GLCCI1: variants seen among roughly 807,000 people sequenced by gnomAD.
GLCCI1 encodes glucocorticoid induced 1, also known as glucocorticoid-induced transcript 1 protein.
Under a neutral mutation model 52.2 loss-of-function variants are expected in GLCCI1, and 24 were observed. The ratio of observed to expected loss-of-function variants is 0.46; its 90% confidence interval spans 0.33 to 0.65. The LOEUF (loss-of-function observed/expected upper bound fraction) is 0.65. Ranked by LOEUF, GLCCI1 falls within the 30% of genes least tolerant of loss-of-function variation. GLCCI1 has a pLI of 0.02. For missense variants in GLCCI1, 704 were observed against 701.5 expected, an observed-to-expected ratio of 1.00 and a Z score of -0.04; for synonymous variants, 310 against 276.5, an observed-to-expected ratio of 1.12 and a Z score of -1.20.
At chr7:8,070,069 GAA>G (rs1407578698) in intron 5 of GLCCI1, 1 of 152,210 alleles carries the variant, frequency 6.6e-6, no homozygotes, top group Non-Finnish European at 1.5e-5. Flanking sequence ...TAGTAAAGTA[GAA>G]AGAGTCCACT....
intron 3 of GLCCI1, 29 bp from the exon 4 acceptor site, chr7:8,055,401 CTCT>C: frequency 2.2e-6 from 3 of 1,376,628 alleles, no homozygotes; most frequent in Non-Finnish European, 3.1e-6. Context: ...CACTTTTATT[CTCT>C]TCTTACTTCT....
Position 8,055,534 on chromosome 7 carries a change from A to C in GLCCI1, c.798A>C (p.Thr266=), listed in dbSNP as rs1782367733. ...RQSPLHGNHI[T]ISHTQATGSR... ...CACCTCTTCATGGCAACCATATAAC[A>C]ATCAGTCACACTCAGGTAGGCTAAC... Residue 266 remains threonine, a synonymous_variant, in exon 4 of 8, where the codon ACA becomes ACC. Coordinates refer to ENST00000223145, the MANE Select transcript of GLCCI1 (RefSeq NM_138426.4). 1.3e-6 allele frequency: 2 copies of C among 1,597,976 alleles called. No homozygotes were observed. Among genetic ancestry groups the C allele is most frequent in the Non-Finnish European group, 1.7e-6 (2 of 1,165,424 alleles).
intron 2 of GLCCI1, among the ~76,000 whole-genome samples, chr7:8,020,163 G>T (rs1781456368): frequency 6.6e-6 from 1 of 151,700 alleles, no homozygotes; most frequent in Non-Finnish European, 1.5e-5. Flanking sequence ...TTATTTATTT[G>T]TTTATTTATT....
rs1783171663 is a variant in GLCCI1 at position 8,088,698 on chromosome 7, T to A, written c.*2160T>A. On this transcript the variant is annotated 3_prime_UTR_variant, in exon 8 of 8. Coordinates refer to ENST00000223145, the MANE Select transcript of GLCCI1 (RefSeq NM_138426.4). ...GAAAAATGGACTGAATATGCTTTTT[T>A]GGTGATGAAATCTCATGTACGATAT... The A allele has an allele frequency of 6.6e-6, 1 of 152,642 alleles. No individual in the cohort carries two copies. Among genetic ancestry groups the A allele is most frequent in the Non-Finnish European group, 1.5e-5 (1 of 68,042 alleles). 9.5% of individuals were successfully genotyped at this position (152,642 alleles called of 1,614,324 possible).
chr7:8,080,235 C>T (rs184313447), intron 6 of GLCCI1, among the ~76,000 whole-genome samples: 34 of 151,582 alleles, frequency 2.2e-4, no homozygotes, highest in Admixed American at 2.2e-3. Context: ...TATTTTAACA[C>T]TAGAGTAGTA....
At chr7:8,046,151 A>G (rs1239558511) in intron 3 of GLCCI1, among the ~76,000 whole-genome samples, 1 of 134,784 alleles carries the variant, frequency 7.4e-6, no homozygotes, top group Non-Finnish European at 1.6e-5. Flanking sequence ...GAGAGAATTC[A>G]TGAATCAGAA....
intron 2 of GLCCI1, among the ~76,000 whole-genome samples, chr7:8,011,982 A>G (rs1028551608): frequency 1.3e-5 from 2 of 151,522 alleles, no homozygotes; most frequent in Admixed American, 1.3e-4. Flanking sequence ...CGCCCAGCTA[A>G]TTTTTTGTAT....
chr7:8,055,220 CA>C (rs1782357359), intron 3 of GLCCI1, among the ~76,000 whole-genome samples: 2 of 152,250 alleles, frequency 1.3e-5, no homozygotes, highest in African/African-American at 4.8e-5. Context: ...TAACACTATT[CA>C]AATTTGTAGA....
At chr7:8,071,973 A>T (rs1434817528) in intron 6 of GLCCI1, among the ~76,000 whole-genome samples, 1 of 152,210 alleles carries the variant, frequency 6.6e-6, no homozygotes, top group Non-Finnish European at 1.5e-5. Flanking sequence ...CCCATCCCCT[A>T]TGATTGATGT....
chr7:8,034,468 T>C (rs1781822468), intron 3 of GLCCI1, among the ~76,000 whole-genome samples: 2 of 152,152 alleles, frequency 1.3e-5, no homozygotes, highest in African/African-American at 2.4e-5. Context: ...AAATCATGTA[T>C]TTGATAAAGG....
chr7:8,055,375 A>G (rs970916226), intron 3 of GLCCI1, 58 bp from the exon 4 acceptor site: 18 of 1,007,390 alleles, frequency 1.8e-5, no homozygotes, highest in Non-Finnish European at 2.6e-5. Context: ...AGAAATAAAT[A>G]TAAAAATTTG....
At chr7:8,044,485 CT>C (rs1352224931) in intron 3 of GLCCI1, among the ~76,000 whole-genome samples, 2 of 151,820 alleles carry the variant, frequency 1.3e-5, no homozygotes, top group Admixed American at 6.6e-5. Flanking sequence ...CCTTCTACCT[CT>C]CAGTGTGCTG....
At chr7:8,027,657 CAA>C (rs1396442699) in intron 3 of GLCCI1, among the ~76,000 whole-genome samples, 1 of 148,498 alleles carries the variant, frequency 6.7e-6, no homozygotes, top group African/African-American at 2.5e-5. Flanking sequence ...ACTCTCCAAA[CAA>C]AAGACAACGA....
intron 3 of GLCCI1, among the ~76,000 whole-genome samples, chr7:8,034,946 C>T (rs1410348092): frequency 6.6e-6 from 1 of 152,158 alleles, no homozygotes; most frequent in Non-Finnish European, 1.5e-5. Context: ...TGCTGGGTTG[C>T]TTACCCTCCC....
intron 5 of GLCCI1, among the ~76,000 whole-genome samples, chr7:8,063,160 C>T (rs755254170): frequency 7.9e-5 from 12 of 152,032 alleles, no homozygotes; most frequent in Admixed American, 1.3e-4. Context: ...TTTTTGTTAA[C>T]GGAGTCTCGC....
At chr7:7,980,064 G>T (rs1291280572) in intron 1 of GLCCI1, among the ~76,000 whole-genome samples, 1 of 152,074 alleles carries the variant, frequency 6.6e-6, no homozygotes, top group Non-Finnish European at 1.5e-5. Flanking sequence ...CCATGGGAGT[G>T]TGCCAGCACA....
chr7:8,052,538 G>C (rs1414625032), intron 3 of GLCCI1, among the ~76,000 whole-genome samples: 1 of 152,190 alleles, frequency 6.6e-6, no homozygotes, highest in Non-Finnish European at 1.5e-5. Context: ...CCAACATATA[G>C]TAGTGGGATA....
chr7:8,049,891 T>C (rs906313526), intron 3 of GLCCI1, among the ~76,000 whole-genome samples: 1 of 152,250 alleles, frequency 6.6e-6, no homozygotes, highest in Non-Finnish European at 1.5e-5. Flanking sequence ...GTTTTTCTCA[T>C]CTGCAGTATA....
At chr7:8,034,518 TAAG>T (rs1781823635) in intron 3 of GLCCI1, among the ~76,000 whole-genome samples, 2 of 152,110 alleles carry the variant, frequency 1.3e-5, no homozygotes, top group Non-Finnish European at 2.9e-5. Context: ...TACAAATCAA[TAAG>T]AAGATAAATA....
Sources: gnomAD v4.1 joint callset for allele counts (sites outside exome capture counted in the v4.1 genomes callset) on GRCh38, gnomAD v4.1.1 for gene constraint, MANE v1.5 for transcripts, NCBI Gene and HGNC (gene_info 2026-07-23, HGNC 2026-07-21) for gene names.